The following SPAG17 variants were observed in gnomAD, a reference collection of about 807,000 sequenced individuals.
SPAG17 encodes the protein sperm-associated antigen 17.
A neutral mutation model predicts 273.6 loss-of-function variants in SPAG17; 169 were observed. The ratio of observed to expected loss-of-function variants is 0.62; its 90% CI spans 0.55 to 0.70. The LOEUF is 0.70. Among genes scored for constraint, SPAG17 ranks in the 30% least tolerant of loss-of-function variants. The pLI is 0.00. For synonymous variants in SPAG17, 825 were observed against 873.2 expected (o/e 0.94, Z 0.97); for missense variants, 2,557 against 2,627.8 (o/e 0.97, Z 0.59).
Position 118,099,738 on chromosome 1 carries a change from G to C in SPAG17, c.697C>G (p.Leu233Val). Residue 233 changes from leucine (L) to valine (V), a missense_variant, in exon 6 of 49, where the codon CTA becomes GTA. Coordinates refer to ENST00000336338, the MANE Select transcript of SPAG17 (RefSeq NM_206996.4). ...CCAAGCTCAGCCATAATTGCTAATA[G>C]CTGAGGATTGTTAAAGCCCACAACT... is the stretch of plus-strand genomic sequence containing the variant. ...IIVVGFNNPQ[L>V]LAIMAELGIP... 1 of 1,613,646 alleles carries C rather than the reference G, an allele frequency of 6.2e-7. No individual in the cohort carries two copies. The highest frequency in any genetic ancestry group is 8.5e-7 in the Non-Finnish European group (1 of 1,179,930).
At position 117,990,881 on chromosome 1, in the gene SPAG17, G is replaced by A; in HGVS notation, c.5501C>T (p.Thr1834Ile). The A allele has an allele frequency of 6.4e-7, 1 of 1,572,216 alleles. No homozygotes were observed. The highest frequency in any genetic ancestry group is 8.7e-7 in the Non-Finnish European group (1 of 1,153,140). Residue 1834 changes from threonine (T) to isoleucine (I), a missense_variant, in exon 38 of 49, where the codon ACA (threonine) becomes ATA (isoleucine). Thr to Ile is a moderately conservative substitution (Grantham distance 89). Coordinates refer to ENST00000336338, the MANE Select transcript of SPAG17 (RefSeq NM_206996.4). ...VMSFPKMEET[T>I]KSHVTEVAAH... ...CTTACCTTCAGTAACATGACTTTTTGTAGTTTCCTCCATTTTAGGGAAAGA... is the reference window on the plus strand; with the variant it reads ...CTTACCTTCAGTAACATGACTTTTTATAGTTTCCTCCATTTTAGGGAAAGA...
chr1:118,037,500 C>A (rs1220756535), intron 23 of SPAG17, among the ~76,000 whole-genome samples: 1 of 152,204 alleles, frequency 6.6e-6, no homozygotes, highest in East Asian at 1.9e-4. Flanking sequence ...TTACCCTTCT[C>A]CCAACCTTCC....
chr1:117,970,374 C>T (rs1173767296), intron 45 of SPAG17, among the ~76,000 whole-genome samples: 7 of 152,198 alleles, frequency 4.6e-5, no homozygotes, highest in African/African-American at 7.2e-5. Context: ...TGGTTGCTGA[C>T]GAGCAGCCCA....
intron 3 of SPAG17, among the ~76,000 whole-genome samples, chr1:118,140,441 C>G (rs1156354791): frequency 6.6e-6 from 1 of 152,048 alleles, no homozygotes; most frequent in Non-Finnish European, 1.5e-5. Context: ...TAAATTATAA[C>G]ACCACTTTTT....
chr1:118,056,007 T>A (rs1346811851), intron 18 of SPAG17, 93 bp from the exon 19 acceptor site: 2 of 1,027,254 alleles, frequency 1.9e-6, no homozygotes, highest in Non-Finnish European at 2.8e-6. Context: ...TTTGCTCATG[T>A]CAAAAATATA....
rs78049717 is a variant in SPAG17, at chr1:118,018,701, G to A, written c.4070-2519C>T. On this transcript the variant is annotated intron_variant, in intron 28 of 48. Coordinates refer to ENST00000336338, the MANE Select transcript of SPAG17 (RefSeq NM_206996.4). The stretch of plus-strand genomic sequence containing the variant: ...AAAAAAAAAATTGCTGAGCATGGTG[G>A]TGCATGCCTGTTGCATGGTGATGCA... 4.2e-3 allele frequency among the ~76,000 whole-genome samples: 643 copies of A among 152,024 alleles called. 4 individuals carry two copies. The highest frequency in any genetic ancestry group is 0.015 in the African/African-American group (611 of 41,458).
At chr1:118,019,993 A>G (rs1345183022) in intron 28 of SPAG17, among the ~76,000 whole-genome samples, 1 of 152,276 alleles carries the variant, frequency 6.6e-6, no homozygotes, top group Admixed American at 6.5e-5. Flanking sequence ...TTTGCTGCTT[A>G]TAAGAGACAC....
intron 20 of SPAG17, among the ~76,000 whole-genome samples, chr1:118,051,105 G>A (rs745977558): frequency 6.6e-6 from 1 of 151,974 alleles, no homozygotes; most frequent in Non-Finnish European, 1.5e-5. Context: ...TTTCTCAAAA[G>A]AAGGCTTACA....
At chr1:118,021,964 T>C (rs1246851225) in intron 28 of SPAG17, among the ~76,000 whole-genome samples, 1 of 152,170 alleles carries the variant, frequency 6.6e-6, no homozygotes. Context: ...TTACTAAATA[T>C]TGAGTAATTA....
chr1:118,148,623 C>G (rs1384183917), intron 3 of SPAG17, among the ~76,000 whole-genome samples: 1 of 152,192 alleles, frequency 6.6e-6, no homozygotes, highest in Admixed American at 6.5e-5. Context: ...TTACAATCCT[C>G]TAGCTAGACA....
At position 118,005,562 on chromosome 1, in the gene SPAG17, T is replaced by A; in HGVS notation, c.4628A>T (p.Asp1543Val). 1.3e-6 allele frequency: 2 copies of A among 1,580,122 alleles called. No homozygotes were observed. The highest frequency in any genetic ancestry group is 1.7e-6 in the Non-Finnish European group (2 of 1,164,048). Residue 1543 changes from aspartate (D) to valine (V), a missense_variant, in exon 32 of 49, where the codon GAT becomes GTT. By Grantham distance (152) the Asp-to-Val change is radical. Coordinates refer to ENST00000336338, the MANE Select transcript of SPAG17 (RefSeq NM_206996.4). ...PNTGSLYIDK[D>V]CSAVYCHESS... ...CTCATGGCAGTACACAGCTGAACAA[T>A]CCTTGTCAATATAAAGAGAGCCTGT...
chr1:118,087,849 G>GT (rs1655109457), intron 10 of SPAG17, among the ~76,000 whole-genome samples: 1 of 152,102 alleles, frequency 6.6e-6, no homozygotes, highest in Admixed American at 6.5e-5. Context: ...ATTACTTGTT[G>GT]TGGGGGGTTG....
chr1:118,067,142 G>A (rs935327623), intron 17 of SPAG17, among the ~76,000 whole-genome samples: 2 of 152,150 alleles, frequency 1.3e-5, no homozygotes, highest in African/African-American at 2.4e-5. Context: ...GCAGAGCGGC[G>A]CTTGCTACAA....
At chr1:118,148,029 A>C (rs569714449) in intron 3 of SPAG17, among the ~76,000 whole-genome samples, 4 of 152,180 alleles carry the variant, frequency 2.6e-5, no homozygotes, top group Admixed American at 1.3e-4. Context: ...CAGGTGTTTA[A>C]ATGCATGGCT....
intron 48 of SPAG17, chr1:117,961,841 G>C (rs896699245): frequency 7.9e-5 from 12 of 152,496 alleles, no homozygotes; most frequent in African/African-American, 2.7e-4. Flanking sequence ...ATGCATTCTA[G>C]GTGCTTTCCA....
intron 43 of SPAG17, 29 bp from the exon 44 acceptor site, chr1:117,973,590 A>T (rs1654811101): frequency 6.3e-7 from 1 of 1,595,368 alleles, no homozygotes; most frequent in Non-Finnish European, 8.6e-7. Flanking sequence ...AAATTATGCC[A>T]CATGGACATT....
At chr1:117,969,916 T>G (rs1654357082) in intron 46 of SPAG17, 140 bp downstream of exon 46, 2 of 725,186 alleles carry the variant, frequency 2.8e-6, no homozygotes, top group African/African-American at 1.8e-5. Flanking sequence ...AATCTTTTGC[T>G]TATGATATTA....
intron 1 of SPAG17, among the ~76,000 whole-genome samples, chr1:118,178,203 C>A (rs1305594606): frequency 6.6e-6 from 1 of 152,070 alleles, no homozygotes; most frequent in South Asian, 2.1e-4. Context: ...CAACCTAATA[C>A]TAGCAAACCA....
intron 17 of SPAG17, among the ~76,000 whole-genome samples, chr1:118,073,262 C>T (rs866136957): frequency 1.3e-5 from 2 of 152,174 alleles, no homozygotes; most frequent in Non-Finnish European, 2.9e-5. Flanking sequence ...TATCTAGCTT[C>T]TCACTTAGCT....
Sources: allele counts gnomAD v4.1 joint callset (sites outside exome capture counted in the v4.1 genomes callset), GRCh38; gene constraint gnomAD v4.1.1; transcripts MANE v1.5; gene names NCBI Gene and HGNC (gene_info 2026-07-23, HGNC 2026-07-21).